The following TSG101 variants were observed in gnomAD, a reference collection of about 807,000 sequenced individuals.
TSG101 encodes the protein tumor susceptibility 101, also known as tumor susceptibility gene 101 protein.
A neutral mutation model predicts 48.5 loss-of-function variants in TSG101; 19 were observed. That is an observed-to-expected ratio of 0.39 (90% CI 0.27 to 0.58). The LOEUF is 0.58. Ranked by LOEUF, TSG101 falls within the 20% of genes least tolerant of loss-of-function variation. The pLI is 0.55. For synonymous variants in TSG101, 174 were observed against 169.4 expected (o/e 1.03, Z -0.21); for missense variants, 365 against 484.4 (o/e 0.75, Z 2.31).
chr11:18,504,998 G>C (rs1252717931), intron 6 of TSG101, among the ~76,000 whole-genome samples: 5 of 152,116 alleles, frequency 3.3e-5, no homozygotes, highest in African/African-American at 1.2e-4. Flanking sequence ...CAAAGTGACA[G>C]AATGCTTATT....
At chr11:18,523,791 T>C (rs562768569) in intron 1 of TSG101, among the ~76,000 whole-genome samples, 32 of 152,284 alleles carry the variant, frequency 2.1e-4, no homozygotes, top group Middle Eastern at 3.4e-3. Context: ...CATGAGCCAT[T>C]GCACCTGGCC....
chr11:18,484,282 T>C (rs541520444), intron 7 of TSG101, among the ~76,000 whole-genome samples: 20 of 152,354 alleles, frequency 1.3e-4, no homozygotes, highest in African/African-American at 4.8e-4. Flanking sequence ...TATTAATCCA[T>C]GTTAAACCCA....
chr11:18,525,610 T>C (rs369361191), intron 1 of TSG101: 21 of 674,990 alleles, frequency 3.1e-5, no homozygotes, highest in East Asian at 1.4e-4. Context: ...TAAAACAATA[T>C]ACCGTTTTTT....
chr11:18,509,769 C>T, intron 4 of TSG101, 104 bp from the exon 5 acceptor site: 1 of 1,228,942 alleles, frequency 8.1e-7, no homozygotes, highest in African/African-American at 1.5e-5. Flanking sequence ...TGATAATTTT[C>T]TTTGTAGGAC....
At chr11:18,485,464 T>A (rs1453242074) in intron 7 of TSG101, among the ~76,000 whole-genome samples, 1 of 152,224 alleles carries the variant, frequency 6.6e-6, no homozygotes, top group Non-Finnish European at 1.5e-5. Context: ...CTGAATGATC[T>A]CCTGAAATCA....
At position 18,481,750 on chromosome 11, in the gene TSG101, T is replaced by C. The variant is rs1267000744; in HGVS notation, c.963A>G (p.Thr321=). Reference sequence around the variant, plus strand: ...TCAGGATCTGTTTGTATAAGGGAGCTGTGGGAATGATAACTTCATCGATAT... The same window carrying C: ...TCAGGATCTGTTTGTATAAGGGAGCCGTGGGAATGATAACTTCATCGATAT... ...NNDIDEVIIP[T]APLYKQILNL... Residue 321 remains threonine (T), a synonymous_variant, in exon 9 of 10, where the codon ACA becomes ACG. Coordinates refer to ENST00000251968, the MANE Select transcript of TSG101 (RefSeq NM_006292.4). The C allele has an allele frequency of 1.9e-6, 3 of 1,614,078 alleles. No individual in the cohort carries two copies. The Admixed American group carries it at 5.0e-5, about 27-fold the overall frequency.
intron 7 of TSG101, among the ~76,000 whole-genome samples, chr11:18,496,317 C>T (rs999725140): frequency 6.6e-6 from 1 of 151,362 alleles, no homozygotes; most frequent in Non-Finnish European, 1.5e-5. Flanking sequence ...TGGCACATGC[C>T]TATAGTCTCA....
intron 1 of TSG101, among the ~76,000 whole-genome samples, chr11:18,526,319 AC>A (rs1850372138): frequency 6.6e-6 from 1 of 152,250 alleles, no homozygotes; most frequent in South Asian, 2.1e-4. Context: ...TCTGGAGAAT[AC>A]AAAACTGAAA....
chr11:18,520,005 A>G (rs1850242922), intron 1 of TSG101, among the ~76,000 whole-genome samples: 1 of 152,182 alleles, frequency 6.6e-6, no homozygotes, highest in South Asian at 2.1e-4. Flanking sequence ...CCACCACCAT[A>G]ATCAACTTCA....
chr11:18,496,549 G>A (rs953159528), intron 7 of TSG101, among the ~76,000 whole-genome samples: 1 of 151,192 alleles, frequency 6.6e-6, no homozygotes, highest in African/African-American at 2.4e-5. Flanking sequence ...AAAGAACAAG[G>A]GAGCCTAGTG....
chr11:18,499,381 A>AATATAAATATAT (rs1234969086), intron 7 of TSG101, among the ~76,000 whole-genome samples: 1 of 12,292 alleles, frequency 8.1e-5, no homozygotes, highest in African/African-American at 2.6e-4. Context: ...TTTATATTTA[A>AATATAAATATAT]ATATATATAT....
chr11:18,508,284 C>G (rs191831264), intron 5 of TSG101, among the ~76,000 whole-genome samples: 1 of 146,028 alleles, frequency 6.8e-6, no homozygotes, highest in Non-Finnish European at 1.5e-5. Flanking sequence ...TGCAGTAATG[C>G]GATCTCAGCT....
intron 7 of TSG101, among the ~76,000 whole-genome samples, chr11:18,489,787 A>G (rs1423122869): frequency 1.3e-5 from 2 of 152,230 alleles, no homozygotes; most frequent in Non-Finnish European, 2.9e-5. Context: ...TCAAATGCCA[A>G]ATGATGTGTG....
At chr11:18,481,905 C>T in intron 8 of TSG101, 36 bp from the exon 9 acceptor site, 24 of 1,600,582 alleles carry the variant, frequency 1.5e-5, no homozygotes, top group Non-Finnish European at 2.0e-5. Context: ...AATAACTGTA[C>T]ATAATTATCC....
At chr11:18,519,384 C>A (rs748148906) in intron 2 of TSG101, 135 bp downstream of exon 2, 2 of 684,338 alleles carry the variant, frequency 2.9e-6, no homozygotes, top group African/African-American at 1.9e-5. Context: ...TTGCTACCCT[C>A]CAACAGTTTT....
chr11:18,494,768 C>T (rs1008995955), intron 7 of TSG101, among the ~76,000 whole-genome samples: 2 of 152,010 alleles, frequency 1.3e-5, no homozygotes, highest in African/African-American at 4.8e-5. Flanking sequence ...CCCACATGGG[C>T]TGGGTGCCTT....
At chr11:18,497,793 T>G (rs1286327507) in intron 7 of TSG101, among the ~76,000 whole-genome samples, 1 of 152,204 alleles carries the variant, frequency 6.6e-6, no homozygotes, top group Admixed American at 6.5e-5. Context: ...TCCAATCATT[T>G]CATTATATTG....
intron 7 of TSG101, 92 bp from the exon 8 acceptor site, chr11:18,484,164 C>T: frequency 7.9e-7 from 1 of 1,261,180 alleles, no homozygotes; most frequent in East Asian, 2.3e-5. Context: ...GCAATATGAA[C>T]CGACACTTTC....
intron 7 of TSG101, among the ~76,000 whole-genome samples, chr11:18,489,409 A>T (rs952265828): frequency 1.3e-5 from 2 of 152,170 alleles, no homozygotes; most frequent in Admixed American, 1.3e-4. Context: ...TCAGAAGATT[A>T]TTCTTAAAGG....
Sources: gnomAD v4.1 joint callset for allele counts (sites outside exome capture counted in the v4.1 genomes callset) on GRCh38, gnomAD v4.1.1 for gene constraint, MANE v1.5 for transcripts, NCBI Gene and HGNC (gene_info 2026-07-23, HGNC 2026-07-21) for gene names.